MGAM2: variants seen among roughly 807,000 people sequenced by gnomAD.
The protein encoded by MGAM2 is maltase-glucoamylase 2 (putative).
A neutral mutation model predicts 96.1 loss-of-function variants in MGAM2; 98 were observed. The observed-to-expected ratio is 1.02, with a 90% CI of 0.87 to 1.21. The LOEUF (loss-of-function observed/expected upper bound fraction) is 1.21. Ranked by LOEUF, MGAM2 falls within the 50% of genes most tolerant of loss-of-function variation. The pLI is 0.00. For missense variants in MGAM2, 2,055 were observed against 1,182.4 expected, an observed-to-expected ratio of 1.74 and a Z score of -10.82; for synonymous variants, 749 against 414.8, an observed-to-expected ratio of 1.81 and a Z score of -9.79.
rs779153856 is a variant in MGAM2, at chr7:142,219,890, T to C, written c.5379T>C (p.Thr1793=). The change falls in exon 48 of 48, where the codon ACT becomes ACC. Residue 1793 remains threonine, a synonymous_variant. Transcript: ENST00000477922. The part of the protein sequence containing the change: ...PYNQILTIQL[T]DKTINLEKLT... ...GGCAGATACTAACTATTCAATTGACTGACAAGACTATCAACCTGGAAAAGT... is the reference window on the plus strand; with the variant it reads ...GGCAGATACTAACTATTCAATTGACCGACAAGACTATCAACCTGGAAAAGT... The C allele has an allele frequency of 1.2e-4, 82 of 701,336 alleles. No homozygotes were observed. The highest frequency in any genetic ancestry group is 6.0e-5 in the Admixed American group (3 of 49,948). 43.4% of individuals were successfully genotyped at this position (701,336 alleles called of 1,614,324 possible).
intron 45 of MGAM2, among the ~76,000 whole-genome samples, chr7:142,200,171 T>C (rs1206061912): frequency 6.6e-6 from 1 of 152,192 alleles, no homozygotes; most frequent in Non-Finnish European, 1.5e-5. Flanking sequence ...CCCAGCTTTG[T>C]AGGTTCAGAA....
intron 12 of MGAM2, among the ~76,000 whole-genome samples, chr7:142,142,046 T>G (rs1263697547): frequency 6.6e-6 from 1 of 152,196 alleles, no homozygotes; most frequent in African/African-American, 2.4e-5. Flanking sequence ...CAGATCTTGT[T>G]GCTCCTGAGT....
At position 142,161,952 on chromosome 7, in the gene MGAM2, T is replaced by C. The variant is rs1329689955; in HGVS notation, c.2435-3T>C. ...GTAACCGGTACTCCTCTTTCTTTTT[T>C]AGATGCTGTGACTGAAAAGAAGTAT... On this transcript the variant is annotated splice_region_variant and splice_polypyrimidine_tract_variant and intron_variant, in intron 22 of 47. Coordinates refer to ENST00000477922, the MANE Select transcript of MGAM2 (RefSeq NM_001293626.2). The C allele has an allele frequency of 4.3e-6, 3 of 695,412 alleles. No homozygotes were observed. The highest frequency in any genetic ancestry group is 5.2e-6 in the Non-Finnish European group (2 of 382,370). 43.1% of individuals were successfully genotyped at this position (695,412 alleles called of 1,614,324 possible).
At chr7:142,119,941 C>A (rs190721413) in intron 2 of MGAM2, among the ~76,000 whole-genome samples, 7 of 152,294 alleles carry the variant, frequency 4.6e-5, no homozygotes, top group Admixed American at 4.6e-4. Context: ...TATGTTATTT[C>A]TTTTTGGAGT....
chr7:142,134,050 T>A lies in MGAM2; in HGVS notation c.645T>A (p.Ser215Arg), dbSNP rs1474917290. 1 of 758,284 alleles carries A rather than the reference T, an allele frequency of 1.3e-6. No individual in the cohort carries two copies. Among genetic ancestry groups the A allele is most frequent in the African/African-American group, 1.7e-5 (1 of 59,132 alleles). 47.0% of individuals were successfully genotyped at this position (758,284 alleles called of 1,614,324 possible). A position where few individuals can be genotyped will look rare whatever the true frequency, so the allele number is the denominator to read the frequency against. The change falls in exon 7 of 48, where the codon AGT becomes AGA. Residue 215 changes from serine (S) to arginine (R), a missense_variant. By Grantham distance (110) the Ser-to-Arg change is moderately radical. Transcript: ENST00000477922. ...QYLQLSFRLP[S>R]ANVYGLGEHV... ...TGCAACTGTCTTTCCGACTGCCCAG[T>A]GCCAATGTGTATGGGCTGGGAGAGC... is the stretch of plus-strand genomic sequence containing the variant.
At position 142,119,322 on chromosome 7, in the gene MGAM2, A is replaced by G. The variant is rs373586579; in HGVS notation, c.107-980A>G. ...ATGGCCACTAAACCCATGAAAGTAT[A>G]TTCAACATCATTGGTTATTTGGGAA... On this transcript the variant is annotated intron_variant, in intron 2 of 47. Coordinates refer to ENST00000477922, the MANE Select transcript of MGAM2 (RefSeq NM_001293626.2). 1.9e-4 allele frequency among the ~76,000 whole-genome samples: 29 copies of G among 152,332 alleles called. 1 individual carries two copies. Among genetic ancestry groups the G allele is most frequent in the African/African-American group, 7.0e-4 (29 of 41,572 alleles).
Position 142,148,469 on chromosome 7 carries a change from C to G in MGAM2, c.1634+896C>G, listed in dbSNP as rs1585163311. Among the ~76,000 whole-genome samples, 1 of 152,206 alleles carries G rather than the reference C, an allele frequency of 6.6e-6. No homozygotes were observed. Among genetic ancestry groups the G allele is most frequent in the Non-Finnish European group, 1.5e-5 (1 of 68,044 alleles). On this transcript the variant is annotated intron_variant, in intron 15 of 47. Transcript: ENST00000477922. This position sits in a 1 kb window ranked among gnomAD's most constrained non-coding sequence, Gnocchi z 4.2. ...CTTTACTGCTGTTGCCACCACCACC[C>G]ATTATGAAAGTCTACCAAGGAGACA...
Position 142,129,786 on chromosome 7 carries a change from T to C in MGAM2, c.187-1162T>C, listed in dbSNP as rs141716496. Reference sequence around the variant, plus strand: ...ATTACAGTGAGCCGAGACTGCACCATTGCACTCCAGACTGGGCAACAAGAA... The same window carrying C: ...ATTACAGTGAGCCGAGACTGCACCACTGCACTCCAGACTGGGCAACAAGAA... On this transcript the variant is annotated intron_variant, in intron 3 of 47. Transcript: ENST00000477922. 4.2e-3 allele frequency among the ~76,000 whole-genome samples: 493 copies of C among 117,424 alleles called. 2 individuals carry two copies. Among genetic ancestry groups the C allele is most frequent in the African/African-American group, 0.016 (469 of 29,446 alleles). The allele number at this position is 117,424 out of a possible 152,430, so 77.0% of individuals were successfully genotyped here.
intron 1 of MGAM2, among the ~76,000 whole-genome samples, chr7:142,114,191 A>AAGG (rs1220989553): frequency 9.4e-6 from 1 of 106,838 alleles, no homozygotes. Flanking sequence ...AGAAAGAAAG[A>AAGG]AAGAAAGAAA....
intron 35 of MGAM2, among the ~76,000 whole-genome samples, chr7:142,186,533 G>A (rs1796705228): frequency 6.6e-6 from 1 of 152,206 alleles, no homozygotes; most frequent in African/African-American, 2.4e-5. Flanking sequence ...ATAGTACTGG[G>A]GCAGACAACT....
rs959452163 is a variant in MGAM2, at chr7:142,221,940, G to A, written c.7429G>A (p.Asp2477Asn). ...TATTACTGCAACTAGTGCTACCACA[G>A]ATACTACAAATATTACAAAATATGC... The part of the protein sequence containing the change: ...LPITATSATT[D>N]TTNITKYALN... The change falls in exon 48 of 48, where the codon GAT (aspartate) becomes AAT (asparagine). Residue 2477 changes from aspartate to asparagine, a missense_variant. Physicochemically the swap from Asp to Asn is conservative, Grantham distance 23 (BLOSUM62 1). Coordinates refer to ENST00000477922, the MANE Select transcript of MGAM2 (RefSeq NM_001293626.2). 2.5e-5 allele frequency: 10 copies of A among 399,380 alleles called. No individual in the cohort carries two copies. Among genetic ancestry groups the A allele is most frequent in the Admixed American group, 4.4e-5 (1 of 22,926 alleles). 24.7% of individuals were successfully genotyped at this position (399,380 alleles called of 1,614,324 possible).
chr7:142,215,531 C>T (rs1243137089), intron 46 of MGAM2, among the ~76,000 whole-genome samples: 1 of 151,348 alleles, frequency 6.6e-6, no homozygotes, highest in Non-Finnish European at 1.5e-5. Context: ...GAAGCCAAGG[C>T]AGGTGGATCA....
intron 6 of MGAM2, among the ~76,000 whole-genome samples, chr7:142,132,794 CAT>C (rs1219691005): frequency 3.3e-5 from 4 of 120,250 alleles, no homozygotes; most frequent in East Asian, 2.4e-4. Context: ...AATTACATGT[CAT>C]ATAATTATGT....
chr7:142,200,765 G>A (rs1797196840), intron 45 of MGAM2, among the ~76,000 whole-genome samples: 1 of 151,952 alleles, frequency 6.6e-6, no homozygotes, highest in African/African-American at 2.4e-5. Flanking sequence ...CATTAAAGAA[G>A]TAGATATTCT....
rs34204853 is a variant in MGAM2 at position 142,171,605 on chromosome 7, C to CATAT, written c.3351+212_3351+215dup. ...GTCACATTCTTTTGTCCCTAAAAGG[C>CATAT]ATATATATATATATATATATATATA... On this transcript the variant is annotated intron_variant, in intron 28 of 47. Coordinates refer to ENST00000477922, the MANE Select transcript of MGAM2 (RefSeq NM_001293626.2). 1.9e-3 allele frequency among the ~76,000 whole-genome samples: 125 copies of CATAT among 64,946 alleles called. 1 individual carries two copies. Among genetic ancestry groups the CATAT allele is most frequent in the Non-Finnish European group, 2.7e-3 (78 of 28,466 alleles). 42.6% of individuals were successfully genotyped at this position (64,946 alleles called of 152,430 possible).
Position 142,131,949 on chromosome 7 carries a change from A to T in MGAM2, c.439A>T (p.Ile147Leu), listed in dbSNP as rs910479333. The change falls in exon 6 of 48, where the codon ATA (isoleucine) becomes TTA (leucine). Residue 147 changes from isoleucine to leucine, a missense_variant. Physicochemically the swap from Ile to Leu is conservative, Grantham distance 5 (BLOSUM62 2). Coordinates refer to ENST00000477922, the MANE Select transcript of MGAM2 (RefSeq NM_001293626.2). ...FHFKITDFNN[I>L]RYEVSHENIN... Reference sequence around the variant, plus strand: ...TTGACAGATCACTGACTTTAATAACATACGCTATGAAGTTTCCCATGAAAA... The same window carrying T: ...TTGACAGATCACTGACTTTAATAACTTACGCTATGAAGTTTCCCATGAAAA... The T allele has an allele frequency of 8.5e-6, 6 of 702,422 alleles. No homozygotes were observed. Among genetic ancestry groups the T allele is most frequent in the African/African-American group, 1.7e-5 (1 of 57,228 alleles). 43.5% of individuals were successfully genotyped at this position (702,422 alleles called of 1,614,324 possible). A position where few individuals can be genotyped will look rare whatever the true frequency, so the allele number is the denominator to read the frequency against.
chr7:142,173,092 G>A (rs9986873), intron 30 of MGAM2, 137 bp from the exon 31 acceptor site: 261,869 of 554,778 alleles, frequency 0.47, 66,162 homozygotes, highest in African/African-American at 0.77. Context: ...CTCCACATTT[G>A]TTGGACTTTC....
chr7:142,133,702 C>T (rs549258907), intron 6 of MGAM2, among the ~76,000 whole-genome samples: 33 of 152,246 alleles, frequency 2.2e-4, no homozygotes, highest in South Asian at 1.7e-3. Context: ...ACACCCAGAG[C>T]GGTGCCTGGT....
intron 23 of MGAM2, among the ~76,000 whole-genome samples, chr7:142,163,157 C>A (rs1795938574): frequency 6.6e-6 from 1 of 152,098 alleles, no homozygotes; most frequent in African/African-American, 2.4e-5. Context: ...AGTTATGGAA[C>A]CTTTTAAAAA....
Sources: allele counts gnomAD v4.1 joint callset (sites outside exome capture counted in the v4.1 genomes callset), GRCh38; gene constraint gnomAD v4.1.1; non-coding constraint Gnocchi (gnomAD v3.1); transcripts MANE v1.5; gene names NCBI Gene and HGNC (gene_info 2026-07-23, HGNC 2026-07-21).